DGLUCY: variants seen among roughly 807,000 people sequenced by gnomAD.
The protein encoded by DGLUCY is D-glutamate cyclase.
Under a neutral mutation model 58.5 loss-of-function variants are expected in DGLUCY, and 58 were observed. The ratio of observed to expected loss-of-function variants is 0.99; its 90% CI spans 0.80 to 1.23. The LOEUF (loss-of-function observed/expected upper bound fraction) is 1.23, where lower values mean the gene tolerates loss of function less well. Ranked by LOEUF, DGLUCY falls within the 50% of genes most tolerant of loss-of-function variation. The pLI, the probability that DGLUCY is intolerant of heterozygous loss-of-function variation, is 0.00. For synonymous variants in DGLUCY, 325 were observed against 314.1 expected (o/e 1.03, Z -0.37); for missense variants, 779 against 784.7 (o/e 0.99, Z 0.09).
upstream of DGLUCY, among the ~76,000 whole-genome samples, chr14:91,109,723 A>G (rs1337855986): frequency 6.6e-6 from 1 of 152,222 alleles, no homozygotes; most frequent in Non-Finnish European, 1.5e-5. Flanking sequence ...CCATCAGACC[A>G]GGGCCTCACG....
At chr14:91,060,508 A>C in exon 1 of DGLUCY, 1 of 1,253,438 alleles carries the variant, frequency 8.0e-7, no homozygotes, top group Non-Finnish European at 1.0e-6. Flanking sequence ...GTCCCCTCGC[A>C]GCCGCTGCCG....
In DGLUCY at chr14:91,151,662, T is replaced by TC. The variant is rs566215833; in HGVS notation, c.-81-5977_-81-5976insC. On this transcript the variant is annotated intron_variant, in intron 1 of 13. Coordinates refer to ENST00000256324, the MANE Select transcript of DGLUCY (RefSeq NM_001102368.3). ...TTTTATTTTTTCTTTTCTTTTCTTT[T>TC]TTTTTTTTTTGAGATGCAGTCTTGC... 3.9e-3 allele frequency among the ~76,000 whole-genome samples: 579 copies of TC among 150,386 alleles called. 3 individuals are homozygous for TC. Among genetic ancestry groups the TC allele is most frequent in the African/African-American group, 0.013 (537 of 41,118 alleles).
At chr14:91,151,621 T>G (rs2047341287) in intron 1 of DGLUCY, among the ~76,000 whole-genome samples, 2 of 151,392 alleles carry the variant, frequency 1.3e-5, no homozygotes, top group South Asian at 4.2e-4. Flanking sequence ...CTTTTTTATA[T>G]CTCATTATTC....
chr14:91,079,249 T>G (rs2044084005), intron 1 of DGLUCY, among the ~76,000 whole-genome samples: 1 of 152,130 alleles, frequency 6.6e-6, no homozygotes, highest in African/African-American at 2.4e-5. Context: ...GGAATCATTC[T>G]GAGCGCAATA....
intron 10 of DGLUCY, among the ~76,000 whole-genome samples, chr14:91,197,933 A>G (rs1813564438): frequency 6.6e-6 from 1 of 152,148 alleles, no homozygotes. Context: ...ATCATATGGT[A>G]TGTTCTATTT....
In DGLUCY at chr14:91,225,070, G is replaced by T; in HGVS notation, c.*237G>T. 1 of 389,298 alleles carries T rather than the reference G, an allele frequency of 2.6e-6. No individual in the cohort carries two copies. The highest frequency in any genetic ancestry group is 4.4e-6 in the Non-Finnish European group (1 of 225,218). 24.1% of individuals were successfully genotyped at this position (389,298 alleles called of 1,614,324 possible). ...AACTTTTATTCCTAAGACTCTAAAG[G>T]CGTTGATTTCAACCCTCCTTCACTC... On this transcript the variant is annotated 3_prime_UTR_variant, in exon 14 of 14. Coordinates refer to ENST00000256324, the MANE Select transcript of DGLUCY (RefSeq NM_001102368.3).
chr14:91,114,788 T>C (rs116725036), intron 1 of DGLUCY: 1,536 of 152,132 alleles, frequency 0.01, 28 homozygotes, highest in African/African-American at 0.035. Flanking sequence ...TTTTGAAGAG[T>C]GAGTGATGGC....
upstream of DGLUCY, among the ~76,000 whole-genome samples, chr14:91,106,166 G>A (rs1237974237): frequency 3.3e-5 from 5 of 151,952 alleles, no homozygotes; most frequent in South Asian, 2.1e-4. Context: ...AAATTAGCCC[G>A]GCATGGTGAC....
At chr14:91,142,840 A>AACACACACACACACACACAC (rs558892923) in intron 1 of DGLUCY, among the ~76,000 whole-genome samples, 12 of 124,302 alleles carry the variant, frequency 9.7e-5, no homozygotes, top group African/African-American at 3.6e-4. Context: ...ATCTCTACTA[A>AACACACACACACACACACAC]ACACACACAC....
chr14:91,204,348 C>T (rs948036229), intron 11 of DGLUCY, among the ~76,000 whole-genome samples: 11 of 152,176 alleles, frequency 7.2e-5, no homozygotes, highest in Non-Finnish European at 5.9e-5. Flanking sequence ...CACCAGATCC[C>T]CCGGGGGGCT....
intron 9 of DGLUCY, among the ~76,000 whole-genome samples, chr14:91,196,166 A>G (rs2050193288): frequency 6.6e-6 from 1 of 151,540 alleles, no homozygotes; most frequent in South Asian, 2.1e-4. Context: ...TCTGCCCTCC[A>G]CCCCCGTCAA....
intron 1 of DGLUCY, among the ~76,000 whole-genome samples, chr14:91,127,800 C>G (rs1422848042): frequency 6.6e-6 from 1 of 152,206 alleles, no homozygotes; most frequent in Non-Finnish European, 1.5e-5. Context: ...GAAAGAGAAA[C>G]TCATGGCTTT....
At chr14:91,099,433 C>T (rs995490644) in intron 1 of DGLUCY, among the ~76,000 whole-genome samples, 5 of 150,982 alleles carry the variant, frequency 3.3e-5, no homozygotes, top group South Asian at 2.1e-4. Flanking sequence ...CTGGAGAGGC[C>T]GAAGTGGGAG....
chr14:91,103,466 A>AG (rs2044528518), upstream of DGLUCY, among the ~76,000 whole-genome samples: 2 of 152,004 alleles, frequency 1.3e-5, 1 homozygote, highest in Admixed American at 1.3e-4. Flanking sequence ...GGGAAAATAG[A>AG]AGCCAACAGA....
At chr14:91,197,908 A>G (rs1014532052) in intron 10 of DGLUCY, among the ~76,000 whole-genome samples, 2 of 152,224 alleles carry the variant, frequency 1.3e-5, no homozygotes, top group Non-Finnish European at 2.9e-5. Context: ...ATACACATAG[A>G]AGTGAAATTG....
chr14:91,095,350 G>T (rs2044377063), intron 1 of DGLUCY, among the ~76,000 whole-genome samples: 1 of 152,198 alleles, frequency 6.6e-6, no homozygotes, highest in Non-Finnish European at 1.5e-5. Context: ...CTCAGGGTCG[G>T]CAGAGGCTGC....
chr14:91,199,401 A>G (rs1458330644), intron 10 of DGLUCY, among the ~76,000 whole-genome samples: 1 of 151,878 alleles, frequency 6.6e-6, no homozygotes, highest in Non-Finnish European at 1.5e-5. Context: ...CTGGGACTAC[A>G]AGCACCCACC....
intron 12 of DGLUCY, among the ~76,000 whole-genome samples, chr14:91,211,393 G>A (rs1300892466): frequency 7.9e-5 from 12 of 152,204 alleles, no homozygotes; most frequent in Non-Finnish European, 1.6e-4. Context: ...GAAAAAGAAC[G>A]AGATCAGAGG....
At chr14:91,182,323 G>A (rs192339788) in intron 8 of DGLUCY, among the ~76,000 whole-genome samples, 15 of 152,012 alleles carry the variant, frequency 9.9e-5, no homozygotes, top group African/African-American at 2.7e-4. Context: ...AACACTAAAC[G>A]TGAGGAAGTT....
Sources: gnomAD v4.1 joint callset for allele counts (sites outside exome capture counted in the v4.1 genomes callset) on GRCh38, gnomAD v4.1.1 for gene constraint, MANE v1.5 for transcripts, NCBI Gene and HGNC (gene_info 2026-07-23, HGNC 2026-07-21) for gene names.